Variants in CFAP77 observed in about 807,000 individuals in gnomAD.
The protein encoded by CFAP77 is cilia and flagella associated protein 77, also known as cilia- and flagella-associated protein 77.
In CFAP77, 25 loss-of-function variants were observed where a neutral mutation model predicts 31.1. The ratio of observed to expected loss-of-function variants is 0.80; its 90% CI spans 0.59 to 1.12. CFAP77 has a LOEUF of 1.12. CFAP77 is among the 50% of genes most tolerant of loss of function. The probability of loss-of-function intolerance (pLI) is 0.00; values close to 1 mark genes in which losing one functional copy is unlikely to be tolerated. For missense variants in CFAP77, 377 were observed against 397.3 expected (o/e 0.95, Z 0.44); for synonymous variants, 151 against 159.9 (o/e 0.94, Z 0.42).
chr9:132,448,367 T>C (rs1047473679), intron 1 of CFAP77, among the ~76,000 whole-genome samples: 5 of 152,174 alleles, frequency 3.3e-5, no homozygotes, highest in African/African-American at 7.2e-5. Context: ...TCATGCACCA[T>C]AGCAGGCAGT....
At chr9:132,514,579 C>T (rs986627382) in intron 3 of CFAP77, among the ~76,000 whole-genome samples, 7 of 152,124 alleles carry the variant, frequency 4.6e-5, no homozygotes, top group Non-Finnish European at 7.4e-5. Flanking sequence ...TTGGCTTCAC[C>T]GAGCGCTGCC....
chr9:132,504,578 A>G (rs1188889503), intron 3 of CFAP77, among the ~76,000 whole-genome samples: 1 of 152,216 alleles, frequency 6.6e-6, no homozygotes, highest in African/African-American at 2.4e-5. Flanking sequence ...TTAGCAGCAA[A>G]TATCGTGGCC....
intron 4 of CFAP77, 99 bp downstream of exon 4, chr9:132,537,805 G>A: frequency 1.2e-6 from 1 of 849,394 alleles, no homozygotes; most frequent in Non-Finnish European, 1.9e-6. Flanking sequence ...GTGTATGTTT[G>A]TCATTGGGGA....
At chr9:132,548,504 T>G (rs1852771318) in intron 5 of CFAP77, among the ~76,000 whole-genome samples, 2 of 152,242 alleles carry the variant, frequency 1.3e-5, no homozygotes, top group Non-Finnish European at 2.9e-5. Context: ...CGCACGCTGC[T>G]GGCCAAGTCC....
At chr9:132,486,098 T>TTA (rs1851552447) in intron 1 of CFAP77, among the ~76,000 whole-genome samples, 1 of 81,414 alleles carries the variant, frequency 1.2e-5, no homozygotes, top group Non-Finnish European at 2.2e-5. Context: ...ATATTTTTTT[T>TTA]TTTTTTTTTT....
At chr9:132,509,574 G>A (rs1288790588) in intron 3 of CFAP77, among the ~76,000 whole-genome samples, 1 of 152,204 alleles carries the variant, frequency 6.6e-6, no homozygotes, top group East Asian at 1.9e-4. Flanking sequence ...TTCGAGACCA[G>A]CCTGGGCAAC....
intron 1 of CFAP77, among the ~76,000 whole-genome samples, chr9:132,478,096 A>G (rs954828692): frequency 3.3e-5 from 5 of 152,170 alleles, no homozygotes; most frequent in African/African-American, 1.2e-4. Flanking sequence ...CCCAAATCTC[A>G]TGTGGAATTG....
At chr9:132,434,147 A>G (rs183057051) in intron 1 of CFAP77, among the ~76,000 whole-genome samples, 25 of 151,912 alleles carry the variant, frequency 1.6e-4, no homozygotes, top group Non-Finnish European at 3.1e-4. Context: ...TCGAAAAAAT[A>G]AAAATAAAAT....
chr9:132,470,700 G>A (rs1232637856), intron 1 of CFAP77, among the ~76,000 whole-genome samples: 2 of 152,212 alleles, frequency 1.3e-5, no homozygotes, highest in Non-Finnish European at 2.9e-5. Flanking sequence ...CTGCCTTTGT[G>A]CGCCCGTTTA....
rs1851427087 is a variant in CFAP77, at chr9:132,480,535, A to G, written c.196-18160A>G. On this transcript the variant is annotated intron_variant, in intron 1 of 5. Transcript: ENST00000393216. The surrounding 1 kb of genome is among the most constrained non-coding windows in gnomAD (Gnocchi z 5.8). ...GTGTGCCGGGCACCGGAGACGCCACAGCAAATGAGACAGGTCTGTCCCGTG... is the reference window on the plus strand; with the variant it reads ...GTGTGCCGGGCACCGGAGACGCCACGGCAAATGAGACAGGTCTGTCCCGTG... Among the ~76,000 whole-genome samples the G allele has an allele frequency of 6.6e-6, 1 of 152,238 alleles. No homozygotes were observed. The highest frequency in any genetic ancestry group is 2.4e-5 in the African/African-American group (1 of 41,472).
chr9:132,521,857 C>G (rs1173674891), intron 3 of CFAP77, among the ~76,000 whole-genome samples: 1 of 142,808 alleles, frequency 7.0e-6, no homozygotes, highest in Non-Finnish European at 1.5e-5. Context: ...ACCTCTGCCT[C>G]CCGGGTTCAA....
intron 1 of CFAP77, among the ~76,000 whole-genome samples, chr9:132,444,759 G>A (rs529952745): frequency 7.9e-5 from 12 of 152,094 alleles, no homozygotes; most frequent in East Asian, 3.9e-4. Context: ...TAAAATATGC[G>A]TGACCTAAAA....
intron 1 of CFAP77, among the ~76,000 whole-genome samples, chr9:132,450,581 C>T (rs1303666065): frequency 1.3e-5 from 2 of 152,200 alleles, no homozygotes; most frequent in Admixed American, 6.5e-5. Flanking sequence ...CATTAATGTG[C>T]CTACCTACAT....
rs1311005920 is a variant in CFAP77 at position 132,572,935 on chromosome 9, C to T, written c.*425C>T. On this transcript the variant is annotated 3_prime_UTR_variant, in exon 6 of 6. Coordinates refer to ENST00000393216, the MANE Select transcript of CFAP77 (RefSeq NM_001282957.2). ...ATGACAGTGACGTGCTTTGAAAGCC[C>T]TCATTTTCTATTCCAAACATGAGTT... The T allele has an allele frequency of 5.9e-6, 1 of 168,434 alleles. No individual in the cohort carries two copies. The highest frequency in any genetic ancestry group is 2.4e-5 in the African/African-American group (1 of 41,968). 10.4% of individuals were successfully genotyped at this position (168,434 alleles called of 1,614,324 possible).
intron 1 of CFAP77, among the ~76,000 whole-genome samples, chr9:132,447,518 G>T (rs504557): frequency 6.6e-5 from 10 of 152,166 alleles, no homozygotes; most frequent in African/African-American, 2.4e-4. Flanking sequence ...CGTGATCCCT[G>T]CTCCTGCCAC....
In CFAP77 at chr9:132,448,766, T is replaced by C. The variant is rs948526791; in HGVS notation, c.195+38300T>C. Reference sequence around the variant, plus strand: ...CATATCCAGCTAATTTTTGTATTTTTAGTAGAGACGGGGTTTCACCATGTT... The same window carrying C: ...CATATCCAGCTAATTTTTGTATTTTCAGTAGAGACGGGGTTTCACCATGTT... On this transcript the variant is annotated intron_variant, in intron 1 of 5. Transcript: ENST00000393216. Among the ~76,000 whole-genome samples, 8 of 152,138 alleles carry C rather than the reference T, an allele frequency of 5.3e-5. No individual in the cohort carries two copies. The East Asian group carries it at 1.5e-3, about 29-fold the overall frequency.
At chr9:132,525,765 A>G (rs1054713747) in intron 3 of CFAP77, among the ~76,000 whole-genome samples, 1 of 152,184 alleles carries the variant, frequency 6.6e-6, no homozygotes, top group African/African-American at 2.4e-5. Context: ...GCTTCCCTCT[A>G]TTTCCCAATG....
At chr9:132,414,135 T>G (rs1177151591) in intron 1 of CFAP77, among the ~76,000 whole-genome samples, 1 of 152,226 alleles carries the variant, frequency 6.6e-6, no homozygotes, top group Non-Finnish European at 1.5e-5. Flanking sequence ...TCCAGATTGG[T>G]GACATCATGT....
intron 1 of CFAP77, among the ~76,000 whole-genome samples, chr9:132,496,044 C>T (rs941336713): frequency 1.3e-5 from 2 of 152,174 alleles, no homozygotes; most frequent in African/African-American, 4.8e-5. Context: ...ATTTTACCCA[C>T]TCATTTATTC....
Sources: allele counts gnomAD v4.1 joint callset (sites outside exome capture counted in the v4.1 genomes callset), GRCh38; gene constraint gnomAD v4.1.1; non-coding constraint Gnocchi (gnomAD v3.1); transcripts MANE v1.5; gene names NCBI Gene and HGNC (gene_info 2026-07-23, HGNC 2026-07-21).